GPD2: variants seen among roughly 807,000 people sequenced by gnomAD.
GPD2 encodes glycerol-3-phosphate dehydrogenase, mitochondrial.
In GPD2, 54 loss-of-function variants were observed where a neutral mutation model predicts 82.4. The observed-to-expected ratio is 0.66, with a 90% CI of 0.53 to 0.82. GPD2 has a LOEUF of 0.82. Ranked by LOEUF, GPD2 falls within the 40% of genes least tolerant of loss-of-function variation. GPD2 has a pLI of 0.00. For missense variants in GPD2, 748 were observed against 896.2 expected (o/e 0.83, Z 2.11); for synonymous variants, 288 against 306.1 (o/e 0.94, Z 0.62).
intron 1 of GPD2, among the ~76,000 whole-genome samples, chr2:156,473,018 G>C (rs974487402): frequency 6.6e-6 from 1 of 152,126 alleles, no homozygotes; most frequent in Non-Finnish European, 1.5e-5. Context: ...AATAATAAAT[G>C]GTGGTGATTA....
intron 6 of GPD2, among the ~76,000 whole-genome samples, chr2:156,538,951 T>C (rs528030976): frequency 6.6e-6 from 1 of 152,156 alleles, no homozygotes; most frequent in Admixed American, 6.5e-5. Context: ...TAAGTCTGAA[T>C]ATTTTGCTTT....
intron 6 of GPD2, among the ~76,000 whole-genome samples, chr2:156,546,355 ACT>A (rs1686535294): frequency 6.6e-6 from 1 of 152,160 alleles, no homozygotes; most frequent in South Asian, 2.1e-4. Flanking sequence ...GTTGTCAAAA[ACT>A]TTTTTCTCCA....
intron 1 of GPD2, among the ~76,000 whole-genome samples, chr2:156,460,596 T>C (rs1573891401): frequency 1.3e-5 from 2 of 152,184 alleles, no homozygotes; most frequent in Admixed American, 1.3e-4. Context: ...AGATGTGACC[T>C]AGGGTTCTTT....
intron 2 of GPD2, among the ~76,000 whole-genome samples, chr2:156,491,710 T>C (rs1684180407): frequency 6.6e-6 from 1 of 152,094 alleles, no homozygotes; most frequent in South Asian, 2.1e-4. Flanking sequence ...CTTGGTTGTG[T>C]AGTGTGTGTT....
chr2:156,425,620 C>T, the GPD2 span, among the ~76,000 whole-genome samples: 1 of 152,160 alleles, frequency 6.6e-6, no homozygotes, highest in African/African-American at 2.4e-5. Context: ...CTTTATATTA[C>T]ATCGCATAAA....
intron 2 of GPD2, among the ~76,000 whole-genome samples, chr2:156,477,958 A>G (rs537497194): frequency 1.3e-5 from 2 of 152,336 alleles, no homozygotes; most frequent in South Asian, 4.1e-4. Context: ...AAAAATGCCG[A>G]TGCCAAAGGT....
the GPD2 span, among the ~76,000 whole-genome samples, chr2:156,407,580 A>G: frequency 6.6e-6 from 1 of 152,234 alleles, no homozygotes; most frequent in African/African-American, 2.4e-5. Flanking sequence ...TTAGAATCAA[A>G]GCATGGAAAT....
intron 6 of GPD2, among the ~76,000 whole-genome samples, chr2:156,533,790 C>A (rs116463237): frequency 1.3e-5 from 2 of 152,170 alleles, no homozygotes; most frequent in Admixed American, 1.3e-4. Context: ...ATGGGTGTGG[C>A]TCATCTGTTC....
chr2:156,575,973 A>T (rs1029810051), intron 13 of GPD2, among the ~76,000 whole-genome samples: 1 of 152,188 alleles, frequency 6.6e-6, no homozygotes, highest in Non-Finnish European at 1.5e-5. Context: ...TACCAGAGGG[A>T]GAGTGAATGT....
Position 156,578,920 on chromosome 2 carries a change from A to G in GPD2, c.1799A>G (p.Tyr600Cys). The G allele has an allele frequency of 1.9e-6, 3 of 1,609,908 alleles. No homozygotes were observed. Among genetic ancestry groups the G allele is most frequent in the African/African-American group, 1.3e-5 (1 of 74,960 alleles). Residue 600 changes from tyrosine to cysteine, a missense_variant, in exon 14 of 17, where the codon TAT becomes TGT. This residue lies in a region of GPD2 where 692 missense variants were observed against 809.7 expected (regional missense o/e 0.85). Coordinates refer to ENST00000438166, the MANE Select transcript of GPD2 (RefSeq NM_000408.5). The stretch of plus-strand genomic sequence containing the variant: ...CTTGAAACAGCCAGGAAGTTTCTAT[A>G]TTATGAAATGGGCTATAAATCTCGA... ...EQLETARKFL[Y>C]YEMGYKSRSE... is the part of the protein sequence containing the mutation.
At chr2:156,450,192 G>A (rs1682505128) in intron 1 of GPD2, among the ~76,000 whole-genome samples, 1 of 152,206 alleles carries the variant, frequency 6.6e-6, no homozygotes, top group South Asian at 2.1e-4. Context: ...GAGAGAGGCA[G>A]ACTTGATGGA....
At chr2:156,549,558 T>G in intron 6 of GPD2, 50 bp from the exon 7 acceptor site, 1 of 1,524,370 alleles carries the variant, frequency 6.6e-7, no homozygotes, top group East Asian at 2.3e-5. Context: ...ACCACCAGTC[T>G]GTGGCTCGAG....
Position 156,579,728 on chromosome 2 carries a change from A to G in GPD2, c.1998A>G (p.Glu666=), listed in dbSNP as rs1343812012. ...NVQMDENTLH[E]ILNEVDLNKN... ...AAATGGATGAAAATACACTCCATGA[A>G]ATTCTAAATGAAGTTGATTTGAATA... The change falls in exon 16 of 17, where the codon GAA becomes GAG. Residue 666 remains glutamate, a synonymous_variant. Transcript: ENST00000438166. The G allele has an allele frequency of 6.4e-7, 1 of 1,552,052 alleles. No homozygotes were observed. The highest frequency in any genetic ancestry group is 2.2e-5 in the East Asian group (1 of 44,572).
intron 3 of GPD2, among the ~76,000 whole-genome samples, chr2:156,503,649 A>T (rs781732404): frequency 2.0e-5 from 3 of 152,190 alleles, no homozygotes; most frequent in Non-Finnish European, 2.9e-5. Context: ...TACAAATTTT[A>T]AAAAAGCAAG....
At chr2:156,454,477 G>C (rs1372164720) in intron 1 of GPD2, among the ~76,000 whole-genome samples, 2 of 140,358 alleles carry the variant, frequency 1.4e-5, no homozygotes. Flanking sequence ...GCAACATAGT[G>C]AGACCCTATC....
intron 1 of GPD2, among the ~76,000 whole-genome samples, chr2:156,448,665 C>T (rs1275522828): frequency 6.6e-6 from 1 of 152,186 alleles, no homozygotes; most frequent in Admixed American, 6.5e-5. Flanking sequence ...AGGAGCAGAG[C>T]ATTCCAGGTA....
intron 6 of GPD2, among the ~76,000 whole-genome samples, chr2:156,545,037 A>T (rs1686476483): frequency 6.6e-6 from 1 of 152,206 alleles, no homozygotes; most frequent in South Asian, 2.1e-4. Context: ...AAGTTTACAC[A>T]TCATACCTTA....
At chr2:156,446,786 A>G (rs949209142) in intron 1 of GPD2, among the ~76,000 whole-genome samples, 3 of 152,136 alleles carry the variant, frequency 2.0e-5, no homozygotes, top group Non-Finnish European at 4.4e-5. Context: ...CTGGTCTCGA[A>G]CTTGTGATTT....
chr2:156,569,612 A>T (rs568384175), intron 11 of GPD2, 74 bp downstream of exon 11: 1 of 846,586 alleles, frequency 1.2e-6, no homozygotes, highest in African/African-American at 1.7e-5. Context: ...ACTGGCAGCA[A>T]TCAGGTCTCC....
Sources: allele counts gnomAD v4.1 joint callset (sites outside exome capture counted in the v4.1 genomes callset), GRCh38; gene constraint gnomAD v4.1.1; regional missense constraint gnomAD v4.1.1; transcripts MANE v1.5; gene names NCBI Gene and HGNC (gene_info 2026-07-23, HGNC 2026-07-21).